Variants in SPATA17 observed in about 807,000 individuals in gnomAD.
SPATA17 encodes the protein spermatogenesis-associated protein 17.
Under a neutral mutation model 62.2 loss-of-function variants are expected in SPATA17, and 53 were observed. That is an observed-to-expected ratio of 0.85 (90% CI 0.68 to 1.07). The LOEUF (loss-of-function observed/expected upper bound fraction) is 1.07. SPATA17 is among the 50% of genes least tolerant of loss of function. The pLI is 0.00. For missense variants in SPATA17, 466 were observed against 425.5 expected (o/e 1.10, Z -0.84); for synonymous variants, 146 against 146.8 (o/e 0.99, Z 0.04).
intron 7 of SPATA17, among the ~76,000 whole-genome samples, chr1:217,776,643 A>G (rs1424340573): frequency 6.7e-6 from 1 of 150,102 alleles, no homozygotes; most frequent in African/African-American, 2.5e-5. Context: ...GTTCACAACC[A>G]GCCTGGGCAA....
chr1:217,651,231 C>T, intron 3 of SPATA17, 53 bp downstream of exon 3: 2 of 1,362,518 alleles, frequency 1.5e-6, no homozygotes, highest in Non-Finnish European at 2.0e-6. Context: ...TATGCTGTAA[C>T]TTACTCACTT....
intron 2 of SPATA17, 55 bp from the exon 3 acceptor site, chr1:217,651,042 T>C: frequency 7.4e-7 from 1 of 1,350,030 alleles, no homozygotes; most frequent in Non-Finnish European, 1.0e-6. Flanking sequence ...AACAAAGATT[T>C]AACTGACCTT....
chr1:217,745,165 T>C (rs1672718475), intron 6 of SPATA17, among the ~76,000 whole-genome samples: 1 of 152,204 alleles, frequency 6.6e-6, no homozygotes, highest in African/African-American at 2.4e-5. Flanking sequence ...TGAAATTGTA[T>C]TCTCAAATCG....
At chr1:217,675,280 G>GT (rs1398535786) in intron 4 of SPATA17, among the ~76,000 whole-genome samples, 5 of 152,166 alleles carry the variant, frequency 3.3e-5, no homozygotes, top group Non-Finnish European at 5.9e-5. Context: ...GTGAAATTCA[G>GT]TTTTCAGCTG....
chr1:217,766,863 A>G (rs1340530062), intron 6 of SPATA17, among the ~76,000 whole-genome samples: 5 of 151,958 alleles, frequency 3.3e-5, no homozygotes, highest in African/African-American at 9.7e-5. Context: ...TGAGCATAGT[A>G]TCTCATAAGT....
At chr1:217,645,204 AC>A (rs1670152298) in intron 1 of SPATA17, among the ~76,000 whole-genome samples, 1 of 152,122 alleles carries the variant, frequency 6.6e-6, no homozygotes, top group African/African-American at 2.4e-5. Flanking sequence ...TATTAATATA[AC>A]ATATGCTTGT....
At chr1:217,759,505 T>C (rs1213637032) in intron 6 of SPATA17, among the ~76,000 whole-genome samples, 2 of 151,598 alleles carry the variant, frequency 1.3e-5, no homozygotes, top group Non-Finnish European at 2.9e-5. Context: ...AAAGTGGCAA[T>C]GGGGAACTGA....
intron 6 of SPATA17, among the ~76,000 whole-genome samples, chr1:217,744,096 C>G (rs1032967980): frequency 1.1e-4 from 17 of 152,008 alleles, no homozygotes; most frequent in African/African-American, 4.1e-4. Context: ...ATTATAGAGA[C>G]TTTCTATGCA....
chr1:217,744,102 A>G (rs1421039830), intron 6 of SPATA17, among the ~76,000 whole-genome samples: 1 of 152,126 alleles, frequency 6.6e-6, no homozygotes, highest in Non-Finnish European at 1.5e-5. Context: ...GAGACTTTCT[A>G]TGCATTATTT....
intron 5 of SPATA17, among the ~76,000 whole-genome samples, chr1:217,722,499 G>A (rs1359311510): frequency 6.6e-6 from 1 of 151,892 alleles, no homozygotes; most frequent in East Asian, 1.9e-4. Context: ...CATTTTACAA[G>A]TAAAATAACA....
chr1:217,654,683 T>C (rs997485663), intron 3 of SPATA17, among the ~76,000 whole-genome samples: 2 of 151,890 alleles, frequency 1.3e-5, no homozygotes, highest in African/African-American at 4.8e-5. Context: ...CCCCCTTATC[T>C]CTCAATATAT....
chr1:217,709,906 C>T lies in SPATA17; in HGVS notation c.395+26545C>T, dbSNP rs1192759058. The stretch of plus-strand genomic sequence containing the variant: ...TATGACTTATCCTAATTACTTATAC[C>T]AGCAACAATTAAGATTTATGTCTGA... On this transcript the variant is annotated intron_variant, in intron 5 of 10. Coordinates refer to ENST00000366933, the MANE Select transcript of SPATA17 (RefSeq NM_138796.4). 2.6e-5 allele frequency among the ~76,000 whole-genome samples: 4 copies of T among 151,960 alleles called. No homozygotes were observed. In the South Asian group the frequency reaches 8.3e-4, roughly 32 times the overall value.
chr1:217,700,187 G>A (rs1334139719), intron 5 of SPATA17, among the ~76,000 whole-genome samples: 6 of 151,736 alleles, frequency 4.0e-5, no homozygotes, highest in African/African-American at 7.3e-5. Context: ...GGTTATATAT[G>A]TCTACAAAAC....
intron 5 of SPATA17, among the ~76,000 whole-genome samples, chr1:217,736,497 G>C (rs1313161922): frequency 6.6e-6 from 1 of 152,180 alleles, no homozygotes; most frequent in Non-Finnish European, 1.5e-5. Flanking sequence ...GAAAAGAACA[G>C]TAAAAGGAGA....
At chr1:217,718,411 G>A (rs191037601) in intron 5 of SPATA17, among the ~76,000 whole-genome samples, 29 of 152,248 alleles carry the variant, frequency 1.9e-4, no homozygotes, top group African/African-American at 6.3e-4. Flanking sequence ...CTTAGAGTGA[G>A]TAATAATGGA....
At chr1:217,752,723 T>A (rs2102956907) in intron 6 of SPATA17, among the ~76,000 whole-genome samples, 2 of 152,278 alleles carry the variant, frequency 1.3e-5, no homozygotes, top group East Asian at 3.9e-4. Context: ...TGGAAAAATT[T>A]TTCACAGGCT....
At chr1:217,739,818 A>C (rs773366365) in intron 5 of SPATA17, among the ~76,000 whole-genome samples, 4 of 152,128 alleles carry the variant, frequency 2.6e-5, no homozygotes, top group African/African-American at 4.8e-5. Flanking sequence ...ATCCACACAC[A>C]CTCAAATATT....
intron 9 of SPATA17, among the ~76,000 whole-genome samples, chr1:217,806,739 T>G (rs1281107635): frequency 3.9e-5 from 6 of 152,132 alleles, no homozygotes; most frequent in Admixed American, 3.9e-4. Flanking sequence ...TTTTTAGCAA[T>G]ATGTTCCTAC....
chr1:217,633,236 T>C (rs2102871865), intron 1 of SPATA17, among the ~76,000 whole-genome samples: 1 of 146,792 alleles, frequency 6.8e-6, no homozygotes, highest in East Asian at 2.0e-4. Context: ...AAATAAATAA[T>C]AACAACAATA....
Sources: gnomAD v4.1 joint callset for allele counts (sites outside exome capture counted in the v4.1 genomes callset) on GRCh38, gnomAD v4.1.1 for gene constraint, MANE v1.5 for transcripts, NCBI Gene and HGNC (gene_info 2026-07-23, HGNC 2026-07-21) for gene names.